NXPE4: variants seen among roughly 807,000 people sequenced by gnomAD.
NXPE4 encodes neurexophilin and PC-esterase domain family member 4, also known as NXPE family member 4.
In NXPE4, 42 loss-of-function variants were observed where a neutral mutation model predicts 33.3. The ratio of observed to expected loss-of-function variants is 1.26; its 90% CI spans 0.98 to 1.63. The LOEUF (loss-of-function observed/expected upper bound fraction) is 1.63. Ranked by LOEUF, NXPE4 falls within the 40% of genes most tolerant of loss-of-function variation. NXPE4 has a pLI of 0.00. For missense variants in NXPE4, 709 were observed against 647.6 expected (o/e 1.09, Z -1.03); for synonymous variants, 253 against 234.9 (o/e 1.08, Z -0.71).
chr11:114,571,114 A>G lies in NXPE4; in HGVS notation c.1459T>C (p.Phe487Leu). The G allele has an allele frequency of 6.2e-7, 1 of 1,613,974 alleles. No individual in the cohort carries two copies. Among genetic ancestry groups the G allele is most frequent in the African/African-American group, 1.3e-5 (1 of 75,030 alleles). The change falls in exon 6 of 6, where the codon TTT becomes CTT. Residue 487 changes from phenylalanine (F) to leucine (L), a missense_variant. Transcript: ENST00000375478. ...TGAATGTAACCATGAAAGTCACTAA[A>G]TCTTTCTGCATCATTGTACATCTCC... ...IREMYNDAER[F>L]SDFHGYIQYL...
At chr11:114,626,778 T>G in the NXPE4 span, among the ~76,000 whole-genome samples, 21,971 of 151,842 alleles carry the variant, frequency 0.14, 1,957 homozygotes, top group East Asian at 0.38. Context: ...TGAAAAAAAT[T>G]TAGAATAATG....
the NXPE4 span, among the ~76,000 whole-genome samples, chr11:114,621,905 A>G: frequency 6.6e-6 from 1 of 151,616 alleles, no homozygotes; most frequent in Non-Finnish European, 1.5e-5. Context: ...GTGGGTAACC[A>G]GTTACCTGGT....
chr11:114,633,730 T>C, the NXPE4 span, among the ~76,000 whole-genome samples: 1 of 151,860 alleles, frequency 6.6e-6, no homozygotes, highest in African/African-American at 2.4e-5. Context: ...TTTTTTGTCC[T>C]TGCGATTGTT....
intron 5 of NXPE4, among the ~76,000 whole-genome samples, chr11:114,578,717 G>A (rs1949069460): frequency 6.6e-6 from 1 of 152,118 alleles, no homozygotes; most frequent in South Asian, 2.1e-4. Flanking sequence ...GGTCATAGAG[G>A]GGTAGACAAT....
the NXPE4 span, among the ~76,000 whole-genome samples, chr11:114,655,480 C>T: frequency 6.6e-6 from 1 of 152,084 alleles, no homozygotes; most frequent in South Asian, 2.1e-4. Context: ...AGTCTTTAAT[C>T]CATCTTGAGT....
At chr11:114,637,394 T>A in the NXPE4 span, among the ~76,000 whole-genome samples, 1 of 151,954 alleles carries the variant, frequency 6.6e-6, no homozygotes, top group Non-Finnish European at 1.5e-5. Flanking sequence ...TACAGCACAC[T>A]AATGGGTCTT....
chr11:114,603,816 G>A, the NXPE4 span, among the ~76,000 whole-genome samples: 775 of 151,656 alleles, frequency 5.1e-3, 3 homozygotes, highest in African/African-American at 0.016. Context: ...CGTCTCCTAG[G>A]TAACTCCTAT....
the NXPE4 span, among the ~76,000 whole-genome samples, chr11:114,667,708 A>G: frequency 6.6e-6 from 1 of 152,076 alleles, no homozygotes; most frequent in East Asian, 1.9e-4. Context: ...ACAGACAGCA[A>G]AGAACTGAGG....
chr11:114,637,449 T>C, the NXPE4 span, among the ~76,000 whole-genome samples: 7 of 151,954 alleles, frequency 4.6e-5, no homozygotes, highest in African/African-American at 1.4e-4. Context: ...AATTGGAGCA[T>C]TTAGTCCATT....
chr11:114,675,749 T>G, the NXPE4 span, among the ~76,000 whole-genome samples: 2 of 151,856 alleles, frequency 1.3e-5, no homozygotes, highest in Admixed American at 6.6e-5. Context: ...AAAGTAATAA[T>G]TCTGAAACTT....
the NXPE4 span, among the ~76,000 whole-genome samples, chr11:114,655,526 T>C: frequency 1.3e-5 from 2 of 152,170 alleles, no homozygotes; most frequent in Non-Finnish European, 2.9e-5. Flanking sequence ...AGGGTCCAGT[T>C]TCAGTTTTCT....
rs749055897 is a variant in NXPE4, at chr11:114,582,721, A to C, written c.397T>G (p.Tyr133Asp). ...CTGGCCCTCAGGAAATCCCCGCCAT[A>C]TTGCTTCCTGCGTCCCAAGTGGTCC... Reference protein sequence around the residue: ...VRDHLGRRKQYGGDFLRARMS... With the variant: ...VRDHLGRRKQDGGDFLRARMS... The change falls in exon 3 of 6, where the codon TAT (tyrosine) becomes GAT (aspartate). Residue 133 changes from tyrosine to aspartate, a missense_variant. Physicochemically the swap from Tyr to Asp is radical, Grantham distance 160. Transcript: ENST00000375478. The C allele has an allele frequency of 2.5e-6, 4 of 1,613,860 alleles. No homozygotes were observed. In the African/African-American group the frequency reaches 5.3e-5, roughly 22 times the overall value.
At chr11:114,655,353 C>CT in the NXPE4 span, among the ~76,000 whole-genome samples, 2 of 152,074 alleles carry the variant, frequency 1.3e-5, no homozygotes, top group Non-Finnish European at 2.9e-5. Flanking sequence ...TCAATTTTCA[C>CT]TTTTTTTGCC....
chr11:114,623,111 G>A, the NXPE4 span, among the ~76,000 whole-genome samples: 1 of 151,310 alleles, frequency 6.6e-6, no homozygotes, highest in African/African-American at 2.4e-5. Context: ...TGGCGGATAA[G>A]CACTGTTACC....
chr11:114,622,599 C>A, the NXPE4 span, among the ~76,000 whole-genome samples: 1 of 151,782 alleles, frequency 6.6e-6, no homozygotes, highest in Non-Finnish European at 1.5e-5. Flanking sequence ...ATAAGCATTA[C>A]CTCGTGGGTA....
the NXPE4 span, among the ~76,000 whole-genome samples, chr11:114,630,561 A>G: frequency 6.6e-6 from 1 of 151,722 alleles, no homozygotes; most frequent in Non-Finnish European, 1.5e-5. Context: ...ACCTAAAACC[A>G]TAAAAACCCC....
At chr11:114,613,701 C>G in the NXPE4 span, among the ~76,000 whole-genome samples, 1 of 151,594 alleles carries the variant, frequency 6.6e-6, no homozygotes, top group Non-Finnish European at 1.5e-5. Flanking sequence ...TGGGGAGCCA[C>G]TGTTACCCAG....
At chr11:114,624,486 T>C in the NXPE4 span, among the ~76,000 whole-genome samples, 1 of 151,862 alleles carries the variant, frequency 6.6e-6, no homozygotes, top group Admixed American at 6.5e-5. Context: ...GTATTGCCCA[T>C]GGGTAAGCCC....
chr11:114,612,868 C>T, the NXPE4 span, among the ~76,000 whole-genome samples: 24 of 149,380 alleles, frequency 1.6e-4, no homozygotes, highest in African/African-American at 3.9e-4. Flanking sequence ...AATGTTACCC[C>T]GTGGATAATA....
Sources: gnomAD v4.1 joint callset for allele counts (sites outside exome capture counted in the v4.1 genomes callset) on GRCh38, gnomAD v4.1.1 for gene constraint, MANE v1.5 for transcripts, NCBI Gene and HGNC (gene_info 2026-07-23, HGNC 2026-07-21) for gene names.